The following CNTNAP4 variants were observed in gnomAD, a reference collection of about 807,000 sequenced individuals.
CNTNAP4 encodes contactin associated protein family member 4.
In CNTNAP4, 98 loss-of-function variants were observed where a neutral mutation model predicts 148.4. That is an observed-to-expected ratio of 0.66 (90% CI 0.56 to 0.78). The LOEUF is 0.78. Ranked by LOEUF, CNTNAP4 falls within the 30% of genes least tolerant of loss-of-function variation. The probability of loss-of-function intolerance (pLI) is 0.00; values close to 1 mark genes in which losing one functional copy is unlikely to be tolerated. For missense variants in CNTNAP4, 1,935 were observed against 1,565.6 expected, an observed-to-expected ratio of 1.24 and a Z score of -3.98; for synonymous variants, 730 against 565.1, an observed-to-expected ratio of 1.29 and a Z score of -4.14.
chr16:76,278,264 G>T (rs1403518601), intron 1 of CNTNAP4, among the ~76,000 whole-genome samples: 4 of 152,282 alleles, frequency 2.6e-5, no homozygotes, highest in African/African-American at 9.6e-5. Flanking sequence ...AGGAGCACCA[G>T]CACTGGCTGA....
At chr16:76,395,883 A>T (rs1191776109) in intron 3 of CNTNAP4, among the ~76,000 whole-genome samples, 1 of 151,786 alleles carries the variant, frequency 6.6e-6, no homozygotes, top group Non-Finnish European at 1.5e-5. Context: ...TGTGTCCCAC[A>T]ATGGCCGGTT....
At chr16:76,360,867 AGT>A (rs1296774075) in intron 3 of CNTNAP4, among the ~76,000 whole-genome samples, 6 of 133,846 alleles carry the variant, frequency 4.5e-5, no homozygotes, top group African/African-American at 1.8e-4. Flanking sequence ...CCCAGGCTGG[AGT>A]GCAGTGGCAC....
chr16:76,468,566 C>T (rs539167212), intron 10 of CNTNAP4, among the ~76,000 whole-genome samples: 5 of 152,244 alleles, frequency 3.3e-5, no homozygotes, highest in Admixed American at 1.3e-4. Context: ...TAGCTCACTG[C>T]ACCCTCCACC....
At chr16:76,374,250 T>C (rs1409404106) in intron 3 of CNTNAP4, among the ~76,000 whole-genome samples, 2 of 152,208 alleles carry the variant, frequency 1.3e-5, no homozygotes, top group African/African-American at 2.4e-5. Flanking sequence ...ATGTTCAGAA[T>C]AATCATGAAT....
At chr16:76,317,624 C>G (rs1961937182) in intron 2 of CNTNAP4, among the ~76,000 whole-genome samples, 1 of 152,192 alleles carries the variant, frequency 6.6e-6, no homozygotes, top group Non-Finnish European at 1.5e-5. Context: ...CAGTCAGTCA[C>G]TTCTAATTTT....
At chr16:76,322,955 C>T (rs1481531740) in intron 2 of CNTNAP4, among the ~76,000 whole-genome samples, 1 of 151,814 alleles carries the variant, frequency 6.6e-6, no homozygotes, top group Non-Finnish European at 1.5e-5. Context: ...GTGCCTTGGT[C>T]TGCTGAGTAT....
At chr16:76,362,588 C>T (rs949870781) in intron 3 of CNTNAP4, among the ~76,000 whole-genome samples, 1 of 152,134 alleles carries the variant, frequency 6.6e-6, no homozygotes, top group African/African-American at 2.4e-5. Context: ...GCATAAAGTC[C>T]AGAAATAAAC....
intron 2 of CNTNAP4, among the ~76,000 whole-genome samples, chr16:76,326,858 G>T (rs1030323846): frequency 1.3e-5 from 2 of 151,866 alleles, no homozygotes; most frequent in South Asian, 4.2e-4. Context: ...TAAATGACGA[G>T]TTAATGTGTG....
intron 9 of CNTNAP4, among the ~76,000 whole-genome samples, chr16:76,465,064 A>G (rs1045613747): frequency 6.6e-6 from 1 of 152,178 alleles, no homozygotes; most frequent in Non-Finnish European, 1.5e-5. Context: ...AACATTCTCC[A>G]TCCAATGAAC....
At chr16:76,385,771 G>A (rs2016459889) in intron 3 of CNTNAP4, among the ~76,000 whole-genome samples, 1 of 152,082 alleles carries the variant, frequency 6.6e-6, no homozygotes, top group African/African-American at 2.4e-5. Flanking sequence ...TATATAGTCT[G>A]TAGTGCTGAT....
chr16:76,442,056 C>T (rs1006480858), intron 4 of CNTNAP4, among the ~76,000 whole-genome samples: 3 of 152,040 alleles, frequency 2.0e-5, no homozygotes, highest in African/African-American at 7.3e-5. Context: ...TTGCAGATGT[C>T]ATTAACTTAG....
chr16:76,487,098 C>T (rs957407591), intron 12 of CNTNAP4, among the ~76,000 whole-genome samples: 1 of 152,164 alleles, frequency 6.6e-6, no homozygotes, highest in Admixed American at 6.5e-5. Context: ...GGGCCCAGCA[C>T]AGTTTCAGAT....
At position 76,356,775 on chromosome 16, in the gene CNTNAP4, C is replaced by T. The variant is rs188832857; in HGVS notation, c.390+1264C>T. On this transcript the variant is annotated intron_variant, in intron 3 of 23. Coordinates refer to ENST00000611870, the MANE Select transcript of CNTNAP4 (RefSeq NM_033401.5). ...ATAATTTTCTTTGACCAGTCAGTTG[C>T]CTGTTTTTTGAAACTTCATAGAACT... Among the ~76,000 whole-genome samples, 123 of 152,084 alleles carry T rather than the reference C, an allele frequency of 8.1e-4. 1 individual carries two copies. Among genetic ancestry groups the T allele is most frequent in the Middle Eastern group, 3.4e-3 (1 of 294 alleles).
chr16:76,445,306 T>G (rs2080198986), intron 4 of CNTNAP4, among the ~76,000 whole-genome samples: 2 of 152,180 alleles, frequency 1.3e-5, no homozygotes, highest in South Asian at 4.1e-4. Context: ...CTGTAATGCT[T>G]TTATGAACTT....
intron 21 of CNTNAP4, among the ~76,000 whole-genome samples, chr16:76,550,992 G>A (rs770757738): frequency 1.3e-5 from 2 of 152,036 alleles, no homozygotes; most frequent in African/African-American, 2.4e-5. Flanking sequence ...TGATATAATC[G>A]CTCTGATTTT....
chr16:76,290,624 C>A (rs1381762747), intron 1 of CNTNAP4, among the ~76,000 whole-genome samples: 4 of 152,124 alleles, frequency 2.6e-5, no homozygotes, highest in African/African-American at 7.2e-5. Flanking sequence ...GTTGAAACAG[C>A]CTAAATCACA....
chr16:76,352,823 T>G (rs2011998022), intron 2 of CNTNAP4, among the ~76,000 whole-genome samples: 1 of 152,106 alleles, frequency 6.6e-6, no homozygotes, highest in Non-Finnish European at 1.5e-5. Flanking sequence ...CCGAGCTATT[T>G]GTGGGAGGGT....
intron 14 of CNTNAP4, 105 bp from the exon 15 acceptor site, chr16:76,498,462 A>C (rs924493756): frequency 1.3e-6 from 1 of 799,946 alleles, no homozygotes; most frequent in East Asian, 2.6e-5. Context: ...GACTGGATCC[A>C]TACTCTTTTG....
chr16:76,334,176 TATAATA>T (rs56790152), intron 2 of CNTNAP4, among the ~76,000 whole-genome samples: 38,759 of 149,334 alleles, frequency 0.26, 5,768 homozygotes, highest in Non-Finnish European at 0.35. Context: ...AAACTTAAAG[TATAATA>T]ATAATAATAA....
Sources: gnomAD v4.1 joint callset for allele counts (sites outside exome capture counted in the v4.1 genomes callset) on GRCh38, gnomAD v4.1.1 for gene constraint, MANE v1.5 for transcripts, NCBI Gene and HGNC (gene_info 2026-07-23, HGNC 2026-07-21) for gene names.